BRINP3: variants seen among roughly 807,000 people sequenced by gnomAD.
The protein encoded by BRINP3 is BMP/retinoic acid-inducible neural-specific protein 3.
Under a neutral mutation model 71.0 loss-of-function variants are expected in BRINP3, and 19 were observed. The observed-to-expected ratio is 0.27, with a 90% CI of 0.19 to 0.39. The LOEUF (loss-of-function observed/expected upper bound fraction) is 0.39, where lower values mean the gene tolerates loss of function less well. BRINP3 is among the 10% of genes least tolerant of loss of function. The pLI is 1.00. For synonymous variants in BRINP3, 380 were observed against 337.7 expected (o/e 1.13, Z -1.37); for missense variants, 959 against 940.8 (o/e 1.02, Z -0.25).
intron 6 of BRINP3, among the ~76,000 whole-genome samples, chr1:190,208,124 T>G (rs527700692): frequency 2.6e-5 from 4 of 151,978 alleles, no homozygotes; most frequent in Admixed American, 2.6e-4. Context: ...ATTTTTTTTT[T>G]TATTTTTTTT....
At chr1:190,442,641 G>C (rs114026868) in intron 2 of BRINP3, among the ~76,000 whole-genome samples, 2,507 of 152,148 alleles carry the variant, frequency 0.016, 69 homozygotes, top group African/African-American at 0.053. Flanking sequence ...AATAAAACAA[G>C]TAAGGTACTT....
intron 1 of BRINP3, among the ~76,000 whole-genome samples, chr1:190,467,789 A>G (rs1212000716): frequency 1.3e-5 from 2 of 151,618 alleles, no homozygotes; most frequent in South Asian, 2.1e-4. Context: ...GTACTATTTC[A>G]AAAGAAAAGT....
intron 2 of BRINP3, among the ~76,000 whole-genome samples, chr1:190,375,822 GT>G (rs777329834): frequency 6.6e-6 from 1 of 151,732 alleles, no homozygotes; most frequent in Non-Finnish European, 1.5e-5. Context: ...AACATTACTG[GT>G]TTTCACTATT....
At chr1:190,137,112 T>C (rs774261035) in intron 7 of BRINP3, among the ~76,000 whole-genome samples, 10 of 152,058 alleles carry the variant, frequency 6.6e-5, no homozygotes, top group Non-Finnish European at 1.3e-4. Flanking sequence ...GAAAGAACCA[T>C]GATTTGAACA....
intron 4 of BRINP3, among the ~76,000 whole-genome samples, chr1:190,262,352 C>G (rs1448381486): frequency 6.6e-6 from 1 of 152,212 alleles, no homozygotes; most frequent in Non-Finnish European, 1.5e-5. Context: ...TTGCTCTCCA[C>G]TCTTTCCTAT....
At chr1:190,147,456 T>A (rs1397816915) in intron 7 of BRINP3, among the ~76,000 whole-genome samples, 1 of 152,174 alleles carries the variant, frequency 6.6e-6, no homozygotes, top group East Asian at 1.9e-4. Context: ...TTATAATATC[T>A]AAAGACACTT....
chr1:190,143,446 C>T (rs1237960227), intron 7 of BRINP3, among the ~76,000 whole-genome samples: 1 of 152,128 alleles, frequency 6.6e-6, no homozygotes, highest in East Asian at 1.9e-4. Flanking sequence ...TAGAAAACAG[C>T]CTTTTCCTAA....
chr1:190,336,824 T>TTCCC (rs1553295090), intron 2 of BRINP3, among the ~76,000 whole-genome samples: 1 of 54,416 alleles, frequency 1.8e-5, no homozygotes, highest in Admixed American at 3.5e-4. Flanking sequence ...CCTTCCCTCC[T>TTCCC]TCCCTCCCTC....
Position 190,261,784 on chromosome 1 carries a change from C to T in BRINP3, c.618+3081G>A, listed in dbSNP as rs192882514. On this transcript the variant is annotated intron_variant, in intron 4 of 7. Coordinates refer to ENST00000367462, the MANE Select transcript of BRINP3 (RefSeq NM_199051.3). The stretch of plus-strand genomic sequence containing the variant: ...CAAAGAAATTGTGAATCTTGTTATC[C>T]TTAGTTTGACAATTTAAAGCATACA... Among the ~76,000 whole-genome samples the T allele has an allele frequency of 2.6e-5, 4 of 152,180 alleles. No homozygotes were observed. The East Asian group carries it at 7.7e-4, about 29-fold the overall frequency.
intron 4 of BRINP3, among the ~76,000 whole-genome samples, chr1:190,261,295 CA>C (rs1661164271): frequency 6.6e-6 from 1 of 151,626 alleles, no homozygotes. Flanking sequence ...AAATAATGAC[CA>C]ACTCTAGACA....
chr1:190,426,626 A>C lies in BRINP3; in HGVS notation c.236+28029T>G, dbSNP rs79929229. On this transcript the variant is annotated intron_variant, in intron 2 of 7. Transcript: ENST00000367462. Reference sequence around the variant, plus strand: ...CTCAGTCTGTAGAAGGAAATACAACAAAACAAATTTGGTTGTCTCTGGTGG... The same window carrying C: ...CTCAGTCTGTAGAAGGAAATACAACCAAACAAATTTGGTTGTCTCTGGTGG... Among the ~76,000 whole-genome samples the C allele has an allele frequency of 4.6e-5, 7 of 151,956 alleles. No individual in the cohort carries two copies. In the East Asian group the frequency reaches 1.4e-3, roughly 29 times the overall value.
At chr1:190,360,285 C>T (rs1669053366) in intron 2 of BRINP3, among the ~76,000 whole-genome samples, 2 of 152,078 alleles carry the variant, frequency 1.3e-5, no homozygotes, top group African/African-American at 4.8e-5. Flanking sequence ...AATTATTGTC[C>T]AAACCAGAAT....
chr1:190,473,540 C>CTTTTTTTTT (rs201424484), intron 1 of BRINP3, among the ~76,000 whole-genome samples: 1 of 133,078 alleles, frequency 7.5e-6, no homozygotes. Flanking sequence ...TAATTTTTCT[C>CTTTTTTTTT]TTTTTTTTTT....
chr1:190,333,412 A>G (rs2103086593), intron 2 of BRINP3, among the ~76,000 whole-genome samples: 1 of 152,070 alleles, frequency 6.6e-6, no homozygotes, highest in East Asian at 1.9e-4. Flanking sequence ...TAATTTTTTA[A>G]GATATCAAGA....
intron 7 of BRINP3, among the ~76,000 whole-genome samples, chr1:190,105,439 A>G (rs760261102): frequency 2.0e-5 from 3 of 152,152 alleles, no homozygotes; most frequent in Non-Finnish European, 4.4e-5. Flanking sequence ...GCTGATGTTA[A>G]CATTCATTGA....
chr1:190,328,422 T>G (rs1666748171), intron 2 of BRINP3, among the ~76,000 whole-genome samples: 1 of 152,018 alleles, frequency 6.6e-6, no homozygotes, highest in African/African-American at 2.4e-5. Flanking sequence ...GAGACTATTA[T>G]GAATACCTCT....
At chr1:190,145,234 G>C (rs980313486) in intron 7 of BRINP3, among the ~76,000 whole-genome samples, 14 of 152,020 alleles carry the variant, frequency 9.2e-5, no homozygotes, top group African/African-American at 3.1e-4. Context: ...ATGTTTATTT[G>C]TCCAATGAAA....
intron 2 of BRINP3, among the ~76,000 whole-genome samples, chr1:190,287,464 A>T (rs1322166117): frequency 6.6e-6 from 1 of 150,612 alleles, no homozygotes; most frequent in Non-Finnish European, 1.5e-5. Flanking sequence ...GTAGAGTTTA[A>T]TTTTTTTTTT....
At chr1:190,469,022 G>T (rs1676952957) in intron 1 of BRINP3, among the ~76,000 whole-genome samples, 1 of 150,928 alleles carries the variant, frequency 6.6e-6, no homozygotes, top group African/African-American at 2.4e-5. Flanking sequence ...AAGTAGAAAT[G>T]AGTATCTTAT....
Sources: allele counts gnomAD v4.1 joint callset (sites outside exome capture counted in the v4.1 genomes callset), GRCh38; gene constraint gnomAD v4.1.1; transcripts MANE v1.5; gene names NCBI Gene and HGNC (gene_info 2026-07-23, HGNC 2026-07-21).